Variants in COX7B2 observed in about 807,000 individuals in gnomAD.
The protein encoded by COX7B2 is cytochrome c oxidase subunit 7B2, mitochondrial.
For missense variants in COX7B2, 109 were observed against 95.9 expected (o/e 1.14, Z -0.57); for synonymous variants, 37 against 32.1 (o/e 1.15, Z -0.51).
At chr4:46,863,840 A>T (rs1170861679) in intron 1 of COX7B2, among the ~76,000 whole-genome samples, 1 of 151,920 alleles carries the variant, frequency 6.6e-6, no homozygotes, top group African/African-American at 2.4e-5. Context: ...GAAACTTTAT[A>T]TTTGACCTTT....
chr4:46,850,402 T>G (rs1382774340), intron 1 of COX7B2, among the ~76,000 whole-genome samples: 1 of 152,054 alleles, frequency 6.6e-6, no homozygotes, highest in Non-Finnish European at 1.5e-5. Flanking sequence ...TAGGACAAGC[T>G]GGTGAGCATT....
intron 2 of COX7B2, among the ~76,000 whole-genome samples, chr4:46,837,068 G>A (rs1042584364): frequency 6.6e-6 from 1 of 152,066 alleles, no homozygotes; most frequent in African/African-American, 2.4e-5. Context: ...ATTGAGATAT[G>A]TTCATCTTAA....
At chr4:46,789,610 A>G (rs1717930863) in intron 2 of COX7B2, among the ~76,000 whole-genome samples, 1 of 152,180 alleles carries the variant, frequency 6.6e-6, no homozygotes, top group Non-Finnish European at 1.5e-5. Flanking sequence ...ATAGAGATAT[A>G]CACTTCAACT....
At chr4:46,741,111 G>C (rs2109399148) in intron 2 of COX7B2, among the ~76,000 whole-genome samples, 2 of 152,120 alleles carry the variant, frequency 1.3e-5, no homozygotes, top group Middle Eastern at 3.4e-3. Flanking sequence ...AGCCCAACAT[G>C]GACCAACAAA....
intron 2 of COX7B2, among the ~76,000 whole-genome samples, chr4:46,797,431 C>T (rs1388336424): frequency 1.3e-5 from 2 of 152,128 alleles, no homozygotes; most frequent in Non-Finnish European, 2.9e-5. Context: ...CTTAATCCAT[C>T]CTATAGTTAT....
chr4:46,851,531 G>A (rs946602175), intron 1 of COX7B2, among the ~76,000 whole-genome samples: 1 of 152,004 alleles, frequency 6.6e-6, no homozygotes, highest in African/African-American at 2.4e-5. Flanking sequence ...AATTAACAGT[G>A]ATACAATATT....
At chr4:46,848,336 CAA>C (rs1002379073) in intron 1 of COX7B2, among the ~76,000 whole-genome samples, 4 of 151,722 alleles carry the variant, frequency 2.6e-5, no homozygotes, top group African/African-American at 9.7e-5. Flanking sequence ...ATTTATTTTT[CAA>C]AAAAATCAAT....
intron 1 of COX7B2, among the ~76,000 whole-genome samples, chr4:46,865,012 T>C (rs916743923): frequency 4.6e-5 from 7 of 152,166 alleles, no homozygotes; most frequent in African/African-American, 1.7e-4. Flanking sequence ...GTTACATGGA[T>C]GAATTAAATA....
intron 2 of COX7B2, among the ~76,000 whole-genome samples, chr4:46,784,902 T>C (rs185511235): frequency 5.4e-4 from 83 of 152,382 alleles, no homozygotes; most frequent in Non-Finnish European, 7.8e-4. Context: ...TAGGTTATCA[T>C]ATTTCACTTC....
chr4:46,784,635 TAGAAA>T (rs1717656607), intron 2 of COX7B2, among the ~76,000 whole-genome samples: 1 of 152,104 alleles, frequency 6.6e-6, no homozygotes, highest in African/African-American at 2.4e-5. Flanking sequence ...AAAAAAGACT[TAGAAA>T]AGAAGCTTTA....
At position 46,735,080 on chromosome 4, in the gene COX7B2, T is replaced by C; in HGVS notation, c.113A>G (p.Tyr38Cys). 1 of 1,614,002 alleles carries C rather than the reference T, an allele frequency of 6.2e-7. No homozygotes were observed. The highest frequency in any genetic ancestry group is 8.5e-7 in the Non-Finnish European group (1 of 1,179,946). Reference sequence around the variant, plus strand: ...TCCACTGGCTAGCACAGCATTACCATATTTATCATGAAAATCTGGTGAGTG... The same window carrying C: ...TCCACTGGCTAGCACAGCATTACCACATTTATCATGAAAATCTGGTGAGTG... ...VKHSPDFHDK[Y>C]GNAVLASGTA... The change falls in exon 3 of 3, where the codon TAT becomes TGT. Residue 38 changes from tyrosine to cysteine, a missense_variant. By Grantham distance (194) the Tyr-to-Cys change is radical (BLOSUM62 -2). Coordinates refer to ENST00000355591, the MANE Select transcript of COX7B2 (RefSeq NM_130902.3).
chr4:46,835,432 C>T (rs1337833134), intron 2 of COX7B2, among the ~76,000 whole-genome samples: 1 of 151,620 alleles, frequency 6.6e-6, no homozygotes, highest in Non-Finnish European at 1.5e-5. Flanking sequence ...GCAAACAAGT[C>T]CCCCCTCAAA....
intron 1 of COX7B2, among the ~76,000 whole-genome samples, chr4:46,903,429 G>A (rs1720185493): frequency 6.6e-6 from 1 of 151,708 alleles, no homozygotes; most frequent in Non-Finnish European, 1.5e-5. Flanking sequence ...TGACATAGTA[G>A]TCCTTGTAAC....
chr4:46,858,987 A>G (rs966936800), intron 1 of COX7B2, among the ~76,000 whole-genome samples: 2 of 152,188 alleles, frequency 1.3e-5, no homozygotes, highest in African/African-American at 4.8e-5. Flanking sequence ...TATATCTGGC[A>G]AAGTCAGAAC....
chr4:46,774,657 T>C (rs1001013284), intron 2 of COX7B2, among the ~76,000 whole-genome samples: 5 of 152,010 alleles, frequency 3.3e-5, no homozygotes, highest in African/African-American at 1.2e-4. Context: ...AATTATTTAT[T>C]TTTTTCTCTT....
At chr4:46,903,533 A>G (rs781735095) in intron 1 of COX7B2, among the ~76,000 whole-genome samples, 3 of 152,160 alleles carry the variant, frequency 2.0e-5, no homozygotes, top group Non-Finnish European at 1.5e-5. Flanking sequence ...GTACACAGTA[A>G]TGTCCTAGGC....
At chr4:46,782,572 C>T (rs986326215) in intron 2 of COX7B2, among the ~76,000 whole-genome samples, 2 of 152,158 alleles carry the variant, frequency 1.3e-5, no homozygotes, top group Non-Finnish European at 2.9e-5. Flanking sequence ...AGCAGCAACC[C>T]ACTTGGGTCT....
intron 2 of COX7B2, among the ~76,000 whole-genome samples, chr4:46,816,091 A>G (rs1242993009): frequency 6.6e-6 from 1 of 152,204 alleles, no homozygotes; most frequent in East Asian, 1.9e-4. Context: ...AAGTATACAT[A>G]TAAATATATA....
intron 2 of COX7B2, among the ~76,000 whole-genome samples, chr4:46,762,828 G>C (rs1335813365): frequency 1.4e-5 from 2 of 147,972 alleles, no homozygotes; most frequent in Admixed American, 1.4e-4. Flanking sequence ...CCTGCTCAAG[G>C]TCACATAATT....
Sources: gnomAD v4.1 joint callset for allele counts (sites outside exome capture counted in the v4.1 genomes callset) on GRCh38, gnomAD v4.1.1 for gene constraint, MANE v1.5 for transcripts, NCBI Gene and HGNC (gene_info 2026-07-23, HGNC 2026-07-21) for gene names.